SLC12A6: variants seen among roughly 807,000 people sequenced by gnomAD.
SLC12A6 encodes solute carrier family 12 member 6.
SLC12A6 carries 66 observed loss-of-function variants against 135.3 expected under a neutral mutation model. That is an observed-to-expected ratio of 0.49 (90% CI 0.40 to 0.60). The LOEUF (loss-of-function observed/expected upper bound fraction) is 0.60, where lower values mean the gene tolerates loss of function less well. Ranked by LOEUF, SLC12A6 falls within the 20% of genes least tolerant of loss-of-function variation. The probability of loss-of-function intolerance (pLI) is 0.00; values close to 1 mark genes in which losing one functional copy is unlikely to be tolerated. For synonymous variants in SLC12A6, 513 were observed against 508.8 expected (o/e 1.01, Z -0.11); for missense variants, 1,058 against 1,452.3 (o/e 0.73, Z 4.41).
chr15:34,258,170 C>T (rs1892882103), intron 5 of SLC12A6, among the ~76,000 whole-genome samples: 1 of 152,150 alleles, frequency 6.6e-6, no homozygotes. Flanking sequence ...ATAAATTCTT[C>T]ACAGTAGTTA....
chr15:34,245,972 A>G (rs1891957484), intron 13 of SLC12A6, 105 bp from the exon 14 acceptor site: 1 of 864,748 alleles, frequency 1.2e-6, no homozygotes, highest in Non-Finnish European at 1.9e-6. Context: ...TCACTCTGTC[A>G]CCCAGGCTAG....
intron 2 of SLC12A6, among the ~76,000 whole-genome samples, chr15:34,327,791 T>C (rs896814916): frequency 2.6e-5 from 4 of 152,224 alleles, no homozygotes; most frequent in African/African-American, 9.6e-5. Context: ...TTTTAACTTA[T>C]TAGTGTTCTC....
At position 34,335,803 on chromosome 15, in the gene SLC12A6, A is replaced by C. The variant is rs372038656; in HGVS notation, c.271+607T>G. Among the ~76,000 whole-genome samples, 5 of 152,220 alleles carry C rather than the reference A, an allele frequency of 3.3e-5. No individual in the cohort carries two copies. The East Asian group carries it at 9.6e-4, about 29-fold the overall frequency. On this transcript the variant is annotated intron_variant, in intron 2 of 25. Coordinates refer to ENST00000354181, the MANE Select transcript of SLC12A6 (RefSeq NM_001365088.1). ...GCTCAGAGAGAATAAATTACATGGG[A>C]ATCAGGCCCTAAAAGCCTTTTCAGA...
chr15:34,326,358 T>C (rs932129600), intron 2 of SLC12A6, among the ~76,000 whole-genome samples: 10 of 152,120 alleles, frequency 6.6e-5, no homozygotes, highest in Non-Finnish European at 1.2e-4. Context: ...GGGCTCCTAG[T>C]CAACACAAAA....
intron 2 of SLC12A6, among the ~76,000 whole-genome samples, chr15:34,287,440 A>G (rs1348068052): frequency 6.6e-6 from 1 of 152,038 alleles, no homozygotes; most frequent in Non-Finnish European, 1.5e-5. Flanking sequence ...CGCAATAAAC[A>G]TGCACATGTG....
intron 4 of SLC12A6, 88 bp downstream of exon 4, chr15:34,260,838 A>G: frequency 1.4e-6 from 1 of 731,610 alleles, no homozygotes. Context: ...CCAGCTTGTA[A>G]AATTTTTAAA....
At chr15:34,291,200 T>C (rs558305201) in intron 2 of SLC12A6, among the ~76,000 whole-genome samples, 1 of 152,348 alleles carries the variant, frequency 6.6e-6, no homozygotes, top group South Asian at 2.1e-4. Context: ...CTCTCAGCAC[T>C]TGCTTGTCTG....
At chr15:34,331,737 C>G (rs1408123690) in intron 2 of SLC12A6, among the ~76,000 whole-genome samples, 1 of 152,002 alleles carries the variant, frequency 6.6e-6, no homozygotes, top group East Asian at 1.9e-4. Flanking sequence ...GGTATTATAG[C>G]AATATAGGGA....
intron 2 of SLC12A6, among the ~76,000 whole-genome samples, chr15:34,315,350 AAC>A (rs1888565884): frequency 6.6e-6 from 1 of 152,194 alleles, no homozygotes; most frequent in South Asian, 2.1e-4. Flanking sequence ...ACATTGAGCC[AAC>A]ACTCTCCACC....
intron 6 of SLC12A6, among the ~76,000 whole-genome samples, chr15:34,256,706 C>T (rs2705347): frequency 0.91 from 137,867 of 152,236 alleles, 64,057 homozygotes; most frequent in East Asian, 1. Flanking sequence ...ACACAGGAAC[C>T]GCATTTTAAA....
chr15:34,293,374 A>C (rs542699722), intron 2 of SLC12A6, among the ~76,000 whole-genome samples: 34 of 152,324 alleles, frequency 2.2e-4, no homozygotes, highest in South Asian at 4.1e-4. Flanking sequence ...GTGCAAACTC[A>C]GATCTCTGCA....
intron 13 of SLC12A6, among the ~76,000 whole-genome samples, chr15:34,246,469 T>C (rs1019584892): frequency 6.6e-6 from 1 of 152,234 alleles, no homozygotes; most frequent in Non-Finnish European, 1.5e-5. Context: ...ATTCTTGAAA[T>C]GTAAGCATTT....
intron 3 of SLC12A6, among the ~76,000 whole-genome samples, chr15:34,274,030 T>TA (rs1894134311): frequency 6.6e-6 from 1 of 152,204 alleles, no homozygotes; most frequent in Admixed American, 6.5e-5. Context: ...TTAAGACTGA[T>TA]ATATCTATCT....
intron 10 of SLC12A6, among the ~76,000 whole-genome samples, chr15:34,251,679 CCATT>C (rs1287555172): frequency 2.0e-5 from 3 of 152,024 alleles, no homozygotes; most frequent in African/African-American, 7.3e-5. Flanking sequence ...CCCACAAATC[CCATT>C]ATTATTTGTC....
chr15:34,237,628 T>C lies in SLC12A6; in HGVS notation c.2803-78A>G, dbSNP rs996199482. 9.8e-6 allele frequency: 12 copies of C among 1,226,226 alleles called. No homozygotes were observed. In the South Asian group the frequency reaches 1.3e-4, roughly 14 times the overall value. 76.0% of individuals were successfully genotyped at this position (1,226,226 alleles called of 1,614,324 possible). On this transcript the variant is annotated intron_variant, in intron 21 of 25. Transcript: ENST00000354181. ...TTATTTCCTAAGACATTAGACATTGTGGTCTAGAAGAACCTTGCTATATGT... is the reference window on the plus strand; with the variant it reads ...TTATTTCCTAAGACATTAGACATTGCGGTCTAGAAGAACCTTGCTATATGT...
At chr15:34,299,190 C>T (rs1896078269) in intron 2 of SLC12A6, among the ~76,000 whole-genome samples, 2 of 152,140 alleles carry the variant, frequency 1.3e-5, no homozygotes, top group South Asian at 2.1e-4. Context: ...ATGGTGGTAG[C>T]GGAGGCTACT....
At chr15:34,333,306 T>G (rs551687275) in intron 2 of SLC12A6, among the ~76,000 whole-genome samples, 92 of 151,056 alleles carry the variant, frequency 6.1e-4, no homozygotes, top group Non-Finnish European at 8.0e-4. Context: ...CTCAGCTCAC[T>G]GCAACCTCCG....
chr15:34,320,690 G>T (rs1889019165), intron 2 of SLC12A6, among the ~76,000 whole-genome samples: 1 of 151,898 alleles, frequency 6.6e-6, no homozygotes, highest in Admixed American at 6.6e-5. Context: ...GCCGAGGCGG[G>T]TGGATCAAGA....
At chr15:34,326,298 A>T (rs1021390734) in intron 2 of SLC12A6, among the ~76,000 whole-genome samples, 1 of 152,208 alleles carries the variant, frequency 6.6e-6, no homozygotes, top group African/African-American at 2.4e-5. Flanking sequence ...TTCATTTCTG[A>T]TCTAAGATAT....
Sources: gnomAD v4.1 joint callset for allele counts (sites outside exome capture counted in the v4.1 genomes callset) on GRCh38, gnomAD v4.1.1 for gene constraint, MANE v1.5 for transcripts, NCBI Gene and HGNC (gene_info 2026-07-23, HGNC 2026-07-21) for gene names.